Variants in UGGT2 observed in about 807,000 individuals in gnomAD.
The protein encoded by UGGT2 is UDP-glucose glycoprotein glucosyltransferase 2, also known as UDP-glucose:glycoprotein glucosyltransferase 2.
Under a neutral mutation model 192.1 loss-of-function variants are expected in UGGT2, and 180 were observed. The ratio of observed to expected loss-of-function variants is 0.94; its 90% confidence interval spans 0.83 to 1.06. The LOEUF (loss-of-function observed/expected upper bound fraction) is 1.06. UGGT2 is among the 50% of genes least tolerant of loss of function. The pLI is 0.00. For synonymous variants in UGGT2, 580 were observed against 591.0 expected (o/e 0.98, Z 0.27); for missense variants, 1,849 against 1,795.7 (o/e 1.03, Z -0.54).
At chr13:96,030,631 A>G (rs557728372) in intron 2 of UGGT2, among the ~76,000 whole-genome samples, 3 of 152,348 alleles carry the variant, frequency 2.0e-5, no homozygotes, top group African/African-American at 7.2e-5. Context: ...TCTTACATTT[A>G]CACTCAGGAA....
intron 29 of UGGT2, among the ~76,000 whole-genome samples, chr13:95,874,044 C>G (rs1232519655): frequency 6.6e-6 from 1 of 152,214 alleles, no homozygotes; most frequent in African/African-American, 2.4e-5. Context: ...CACTCCAGTA[C>G]TGGAACTCAA....
At chr13:95,898,622 T>C (rs2048015706) in intron 22 of UGGT2, among the ~76,000 whole-genome samples, 1 of 152,112 alleles carries the variant, frequency 6.6e-6, no homozygotes, top group Non-Finnish European at 1.5e-5. Context: ...AATGCAACAG[T>C]GTTGGGAGCT....
intron 37 of UGGT2, among the ~76,000 whole-genome samples, chr13:95,836,507 A>G (rs763434375): frequency 3.3e-5 from 5 of 152,320 alleles, no homozygotes; most frequent in African/African-American, 4.8e-5. Context: ...TTATAAGAGT[A>G]ACTCACTGTG....
In UGGT2 at chr13:95,972,683, G is replaced by A. The variant is rs762437932; in HGVS notation, c.1093-12C>T. On this transcript the variant is annotated splice_polypyrimidine_tract_variant and intron_variant, in intron 10 of 38. Coordinates refer to ENST00000376747, the MANE Select transcript of UGGT2 (RefSeq NM_020121.4). ...CTAACTTGAAGATCCTTGAAGTAGA[G>A]CAAAGCAATAGTTAACCAGTGATAG... is the stretch of plus-strand genomic sequence containing the variant. 6.3e-7 allele frequency: 1 copy of A among 1,599,228 alleles called. No individual in the cohort carries two copies. The highest frequency in any genetic ancestry group is 1.7e-5 in the Admixed American group (1 of 59,844).
At chr13:96,028,942 G>A (rs1010435474) in intron 2 of UGGT2, among the ~76,000 whole-genome samples, 10 of 151,880 alleles carry the variant, frequency 6.6e-5, no homozygotes, top group Non-Finnish European at 8.8e-5. Context: ...TCACGAGATC[G>A]AGACCATCCT....
chr13:95,860,922 A>AGTGTTTCCATATG, intron 31 of UGGT2, 39 bp from the exon 32 acceptor site: 1 of 1,296,526 alleles, frequency 7.7e-7, no homozygotes, highest in Non-Finnish European at 1.1e-6. Context: ...TTAAACATAC[A>AGTGTTTCCATATG]TATGGAAACA....
intron 20 of UGGT2, among the ~76,000 whole-genome samples, chr13:95,904,066 G>A (rs775451641): frequency 6.6e-6 from 1 of 152,048 alleles, no homozygotes; most frequent in Non-Finnish European, 1.5e-5. Context: ...TGACTTGGAG[G>A]AGTTGGATTT....
intron 10 of UGGT2, among the ~76,000 whole-genome samples, chr13:95,978,151 G>A (rs185116166): frequency 1.4e-3 from 213 of 152,070 alleles, no homozygotes; most frequent in African/African-American, 4.7e-3. Flanking sequence ...TAACAAACCC[G>A]CATGTTCTGC....
At chr13:95,946,975 CATAAT>C (rs1301572620) in intron 15 of UGGT2, 57 bp downstream of exon 15, 27 of 1,416,132 alleles carry the variant, frequency 1.9e-5, no homozygotes, top group African/African-American at 2.9e-5. Flanking sequence ...CTAAAGAAAT[CATAAT>C]ATAGTAATGC....
At chr13:95,963,944 A>G (rs1342018990) in intron 12 of UGGT2, among the ~76,000 whole-genome samples, 1 of 152,204 alleles carries the variant, frequency 6.6e-6, no homozygotes, top group South Asian at 2.1e-4. Flanking sequence ...TATAGATTCA[A>G]TGCAATCTCT....
chr13:96,046,919 G>A (rs1386178966), intron 1 of UGGT2, among the ~76,000 whole-genome samples: 1 of 152,230 alleles, frequency 6.6e-6, no homozygotes, highest in African/African-American at 2.4e-5. Context: ...TGAGGCTGGG[G>A]GAGGGGCACC....
chr13:95,911,526 C>G (rs1014375523), intron 20 of UGGT2, among the ~76,000 whole-genome samples: 8 of 152,266 alleles, frequency 5.3e-5, no homozygotes, highest in African/African-American at 1.9e-4. Context: ...CCTCCCAAGA[C>G]TAAACCAGGA....
chr13:95,981,049 T>G (rs1237713793), intron 10 of UGGT2, among the ~76,000 whole-genome samples: 1 of 152,160 alleles, frequency 6.6e-6, no homozygotes, highest in African/African-American at 2.4e-5. Context: ...TTTCTTTTAT[T>G]TATGTATTTA....
intron 38 of UGGT2, among the ~76,000 whole-genome samples, chr13:95,815,715 A>G (rs78077664): frequency 6.6e-6 from 1 of 152,154 alleles, no homozygotes; most frequent in African/African-American, 2.4e-5. Flanking sequence ...AACTTAAAAA[A>G]GAGCAAAAAT....
At chr13:95,843,654 T>C (rs1253753462) in intron 36 of UGGT2, among the ~76,000 whole-genome samples, 1 of 152,086 alleles carries the variant, frequency 6.6e-6, no homozygotes, top group Admixed American at 6.5e-5. Flanking sequence ...CATATTAGGG[T>C]TTAGAGGTTT....
chr13:95,816,780 G>T (rs886066458), intron 38 of UGGT2, among the ~76,000 whole-genome samples: 1 of 152,188 alleles, frequency 6.6e-6, no homozygotes, highest in African/African-American at 2.4e-5. Flanking sequence ...TAAGGAAAAT[G>T]TTCTACATCT....
At chr13:95,978,140 G>C (rs895040532) in intron 10 of UGGT2, among the ~76,000 whole-genome samples, 1 of 151,994 alleles carries the variant, frequency 6.6e-6, no homozygotes, top group Non-Finnish European at 1.5e-5. Context: ...GTGTACCTAC[G>C]TAACAAACCC....
chr13:95,882,823 G>A (rs1664166621), intron 27 of UGGT2, among the ~76,000 whole-genome samples: 1 of 152,146 alleles, frequency 6.6e-6, no homozygotes, highest in Non-Finnish European at 1.5e-5. Context: ...TTCTTAAGCT[G>A]TACTAATTTC....
chr13:95,914,765 C>T (rs903979933), intron 20 of UGGT2, among the ~76,000 whole-genome samples: 2 of 151,560 alleles, frequency 1.3e-5, no homozygotes, highest in Non-Finnish European at 2.9e-5. Context: ...ACTGCATCAC[C>T]GCACTCCAGC....
Sources: allele counts gnomAD v4.1 joint callset (sites outside exome capture counted in the v4.1 genomes callset), GRCh38; gene constraint gnomAD v4.1.1; transcripts MANE v1.5; gene names NCBI Gene and HGNC (gene_info 2026-07-23, HGNC 2026-07-21).